PCSK5: variants seen among roughly 807,000 people sequenced by gnomAD.
The protein encoded by PCSK5 is prohormone convertase 5.
In PCSK5, 129 loss-of-function variants were observed where a neutral mutation model predicts 233.2. The ratio of observed to expected loss-of-function variants is 0.55; its 90% CI spans 0.48 to 0.64. The LOEUF (loss-of-function observed/expected upper bound fraction) is 0.64, where lower values mean the gene tolerates loss of function less well. Among genes scored for constraint, PCSK5 ranks in the 30% least tolerant of loss-of-function variants. The probability of loss-of-function intolerance (pLI) is 0.00; values close to 1 mark genes in which losing one functional copy is unlikely to be tolerated. For synonymous variants in PCSK5, 825 were observed against 879.2 expected (o/e 0.94, Z 1.09); for missense variants, 2,076 against 2,430.1 (o/e 0.85, Z 3.06).
rs1039781957 is a variant in PCSK5 at position 76,086,940 on chromosome 9, T to C, written c.895-8950T>C. On this transcript the variant is annotated intron_variant, in intron 7 of 37. Transcript: ENST00000674117. ...AATATACAGAATATCTAAAGGTTCATCAAAATAGAATTCTTTGTATGAAAG... is the reference window on the plus strand; with the variant it reads ...AATATACAGAATATCTAAAGGTTCACCAAAATAGAATTCTTTGTATGAAAG... Among the ~76,000 whole-genome samples, 51 of 152,344 alleles carry C rather than the reference T, an allele frequency of 3.3e-4. 1 individual carries two copies. Among genetic ancestry groups the C allele is most frequent in the Non-Finnish European group, 1.0e-4 (7 of 68,032 alleles).
chr9:76,315,074 T>C (rs1828985241), intron 30 of PCSK5, among the ~76,000 whole-genome samples: 1 of 152,040 alleles, frequency 6.6e-6, no homozygotes, highest in Admixed American at 6.6e-5. Context: ...TGCCTCAGCC[T>C]CCCAAGTATC....
chr9:76,259,508 T>A (rs1827098418), intron 24 of PCSK5, among the ~76,000 whole-genome samples: 1 of 151,444 alleles, frequency 6.6e-6, no homozygotes, highest in South Asian at 2.1e-4. Context: ...TCATCCTACT[T>A]TAATTCTAGC....
chr9:75,890,870 C>T lies in PCSK5; in HGVS notation c.-312C>T. 7.0e-6 allele frequency: 2 copies of T among 287,702 alleles called. No homozygotes were observed. Among genetic ancestry groups the T allele is most frequent in the African/African-American group, 2.2e-5 (1 of 46,080 alleles). 17.8% of individuals were successfully genotyped at this position (287,702 alleles called of 1,614,324 possible). On this transcript the variant is annotated 5_prime_UTR_variant, in exon 1 of 38. Transcript: ENST00000674117. ...AGTCCGGGAGCCAAGCCGGGCGAAA[C>T]CCAACTGCGGAGGACGCCCGCCCCA...
intron 2 of PCSK5, among the ~76,000 whole-genome samples, 194 bp from the exon 3 acceptor site, chr9:75,985,938 G>C (rs1826494000): frequency 6.6e-6 from 1 of 151,946 alleles, no homozygotes; most frequent in South Asian, 2.1e-4. Context: ...ACACCTGCTT[G>C]CATTAAACAA....
chr9:76,159,409 G>T (rs1439757165), intron 12 of PCSK5, among the ~76,000 whole-genome samples: 2 of 152,168 alleles, frequency 1.3e-5, no homozygotes, highest in African/African-American at 2.4e-5. Context: ...AAAATTGAAG[G>T]CCACTTGTTC....
chr9:76,269,557 C>T (rs1827442400), intron 24 of PCSK5, among the ~76,000 whole-genome samples: 2 of 152,254 alleles, frequency 1.3e-5, no homozygotes, highest in South Asian at 4.1e-4. Flanking sequence ...CATTTCCACC[C>T]GGCAGTATAC....
chr9:76,328,918 C>T (rs1313046636), intron 33 of PCSK5, among the ~76,000 whole-genome samples: 1 of 151,462 alleles, frequency 6.6e-6, no homozygotes, highest in East Asian at 1.9e-4. Flanking sequence ...AAGCAATTGT[C>T]ATGCCTCAGT....
chr9:76,003,111 A>G (rs1446529355), intron 3 of PCSK5, among the ~76,000 whole-genome samples: 1 of 152,230 alleles, frequency 6.6e-6, no homozygotes, highest in Non-Finnish European at 1.5e-5. Flanking sequence ...AGAGATAGCA[A>G]GAGTCTACAG....
At chr9:76,087,538 A>C (rs1007637130) in intron 7 of PCSK5, among the ~76,000 whole-genome samples, 1 of 152,230 alleles carries the variant, frequency 6.6e-6, no homozygotes, top group Admixed American at 6.5e-5. Context: ...CATGACTAAA[A>C]GTAGCTTATA....
At chr9:75,938,053 A>G (rs1824138533) in intron 2 of PCSK5, among the ~76,000 whole-genome samples, 2 of 152,186 alleles carry the variant, frequency 1.3e-5, no homozygotes, top group African/African-American at 2.4e-5. Flanking sequence ...GAGTAGCACT[A>G]TTTAATTTCT....
At chr9:76,158,101 G>A (rs1046110470) in intron 11 of PCSK5, among the ~76,000 whole-genome samples, 10 of 152,246 alleles carry the variant, frequency 6.6e-5, no homozygotes, top group African/African-American at 2.4e-4. Flanking sequence ...AGGAGAATAA[G>A]TAATACTTCC....
At chr9:75,994,266 C>T (rs1425478462) in intron 3 of PCSK5, among the ~76,000 whole-genome samples, 1 of 152,074 alleles carries the variant, frequency 6.6e-6, no homozygotes, top group Admixed American at 6.5e-5. Context: ...AGCTACTTTA[C>T]CTCTTGAGTC....
chr9:76,134,305 A>G (rs528670156), intron 10 of PCSK5, 93 bp downstream of exon 10: 2 of 675,314 alleles, frequency 3.0e-6, no homozygotes, highest in Admixed American at 3.5e-5. Context: ...CCTCAAACGA[A>G]ACTTTAAACT....
chr9:76,192,260 G>T (rs1824429103), intron 20 of PCSK5, among the ~76,000 whole-genome samples: 1 of 152,084 alleles, frequency 6.6e-6, no homozygotes, highest in South Asian at 2.1e-4. Context: ...TGTCAGGCTT[G>T]TGGGCTGAAG....
At chr9:76,302,021 T>G in intron 27 of PCSK5, 116 bp from the exon 28 acceptor site, 1 of 408,240 alleles carries the variant, frequency 2.4e-6, no homozygotes, top group Non-Finnish European at 4.6e-6. Flanking sequence ...GAGACATCCA[T>G]GTACCACAGT....
Position 75,992,956 on chromosome 9 carries a change from T to A in PCSK5, c.411+6711T>A, listed in dbSNP as rs145390389. 2.6e-3 allele frequency among the ~76,000 whole-genome samples: 397 copies of A among 152,274 alleles called. 4 individuals carry two copies. The highest frequency in any genetic ancestry group is 8.2e-3 in the African/African-American group (342 of 41,566). On this transcript the variant is annotated intron_variant, in intron 3 of 37. Transcript: ENST00000674117. ...GCTATGAACTAGCTAGGATAGTAAT[T>A]GTGAAAAATGATTTTAAGCCCCATG... is the stretch of plus-strand genomic sequence containing the variant.
At chr9:76,352,998 G>C (rs538120388) in intron 36 of PCSK5, among the ~76,000 whole-genome samples, 2 of 148,222 alleles carry the variant, frequency 1.3e-5, no homozygotes, top group African/African-American at 5.0e-5. Flanking sequence ...ACTCCAGTGT[G>C]GGCAAAAAAG....
intron 6 of PCSK5, among the ~76,000 whole-genome samples, chr9:76,069,443 TACA>T (rs1245206584): frequency 1.0e-5 from 1 of 96,674 alleles, no homozygotes; most frequent in Non-Finnish European, 2.0e-5. Flanking sequence ...TGACCTAGCT[TACA>T]GAACCTTATT....
At chr9:76,238,879 A>G (rs1433551246) in intron 22 of PCSK5, 80 bp from the exon 23 acceptor site, 1 of 1,064,500 alleles carries the variant, frequency 9.4e-7, no homozygotes, top group East Asian at 2.6e-5. Context: ...TCTTTTTAAA[A>G]TATAATATCT....
Sources: gnomAD v4.1 joint callset for allele counts (sites outside exome capture counted in the v4.1 genomes callset) on GRCh38, gnomAD v4.1.1 for gene constraint, MANE v1.5 for transcripts, NCBI Gene and HGNC (gene_info 2026-07-23, HGNC 2026-07-21) for gene names.